Variants in POLE observed in about 807,000 individuals in gnomAD.
The protein encoded by POLE is DNA polymerase epsilon catalytic subunit A.
Under a neutral mutation model 279.2 loss-of-function variants are expected in POLE, and 188 were observed. That is an observed-to-expected ratio of 0.67 (90% CI 0.60 to 0.76). POLE has a LOEUF of 0.76. Ranked by LOEUF, POLE falls within the 30% of genes least tolerant of loss-of-function variation. The pLI is 0.00. For missense variants in POLE, 2,703 were observed against 3,016.7 expected (o/e 0.90, Z 2.44); for synonymous variants, 1,214 against 1,172.5 (o/e 1.04, Z -0.72).
chr12:132,659,222 C>A, intron 26 of POLE, 73 bp downstream of exon 26: 1 of 1,478,292 alleles, frequency 6.8e-7, no homozygotes, highest in Non-Finnish European at 9.2e-7. Flanking sequence ...CTCACCTCTC[C>A]GTGACGGAGG....
At chr12:132,676,933 G>T (rs973596888) in intron 8 of POLE, among the ~76,000 whole-genome samples, 2 of 152,154 alleles carry the variant, frequency 1.3e-5, no homozygotes, top group Non-Finnish European at 2.9e-5. Flanking sequence ...ACCTCATTCT[G>T]GTGGTTATGA....
In POLE at chr12:132,641,809, A is replaced by G. The variant is rs2042150542; in HGVS notation, c.5216T>C (p.Ile1739Thr). The G allele has an allele frequency of 6.2e-7, 1 of 1,603,826 alleles. No homozygotes were observed. The highest frequency in any genetic ancestry group is 8.5e-7 in the Non-Finnish European group (1 of 1,179,952). Residue 1739 changes from isoleucine (I) to threonine (T), a missense_variant, in exon 39 of 49, where the codon ATT becomes ACT. Coordinates refer to ENST00000320574, the MANE Select transcript of POLE (RefSeq NM_006231.4). The part of the protein sequence containing the change: ...LDLQNLAVNT[I>T]LQSHHVNDME... The stretch of plus-strand genomic sequence containing the variant: ...GTCGTTGACATGGTGAGACTGGAGA[A>G]TGGTGTTGACGGCCAGGTTCTGAAG...
At chr12:132,658,092 T>A (rs538978926) in intron 26 of POLE, 122 bp from the exon 27 acceptor site, 23 of 682,508 alleles carry the variant, frequency 3.4e-5, no homozygotes. Flanking sequence ...AACATCAATG[T>A]ATACATCTGC....
intron 26 of POLE, chr12:132,658,760 G>C (rs1463512512): frequency 1.3e-5 from 2 of 158,028 alleles, no homozygotes; most frequent in African/African-American, 4.8e-5. Context: ...GAGACGATTA[G>C]AGTGAAGCCC....
At chr12:132,672,575 C>T (rs1034755543) in intron 15 of POLE, 52 bp downstream of exon 15, 4 of 1,564,380 alleles carry the variant, frequency 2.6e-6, no homozygotes, top group Non-Finnish European at 3.5e-6. Flanking sequence ...GCTTCTGGGT[C>T]CTACCACAGC....
At chr12:132,631,821 C>A (rs547915577) in intron 45 of POLE, among the ~76,000 whole-genome samples, 10 of 152,246 alleles carry the variant, frequency 6.6e-5, no homozygotes, top group Non-Finnish European at 1.2e-4. Context: ...CAAGCTCACC[C>A]CCCAGGGCCT....
Position 132,668,789 on chromosome 12 carries a change from G to C in POLE, c.1923+22C>G, listed in dbSNP as rs773196651. 6 of 1,613,830 alleles carry C rather than the reference G, an allele frequency of 3.7e-6. No homozygotes were observed. The highest frequency in any genetic ancestry group is 5.1e-6 in the Non-Finnish European group (6 of 1,179,728). ...GCTGGGCAGAGAGAGCTCCGACTCT[G>C]ACACGGGAAGTAAAGTCTCACCTGC... is the stretch of plus-strand genomic sequence containing the variant. On this transcript the variant is annotated intron_variant, in intron 17 of 48. Coordinates refer to ENST00000320574, the MANE Select transcript of POLE (RefSeq NM_006231.4). This position sits in a 1 kb window ranked among gnomAD's most constrained non-coding sequence, Gnocchi z 4.0.
At chr12:132,628,842 T>C (rs1013515076) in intron 45 of POLE, among the ~76,000 whole-genome samples, 1 of 152,200 alleles carries the variant, frequency 6.6e-6, no homozygotes, top group African/African-American at 2.4e-5. Context: ...CCCACAATAG[T>C]CTTGAATCCC....
chr12:132,639,436 C>T lies in POLE; in HGVS notation c.5379-138G>A, dbSNP rs1228208659. 6 of 689,930 alleles carry T rather than the reference C, an allele frequency of 8.7e-6. No individual in the cohort carries two copies. Among genetic ancestry groups the T allele is most frequent in the Non-Finnish European group, 1.5e-5 (6 of 406,654 alleles). 42.7% of individuals were successfully genotyped at this position (689,930 alleles called of 1,614,324 possible). ...CCGTCACTGTCGCCTCCCCTTCTCA[C>T]TGTCCCCACCTTAAGTCACGGTCCA... On this transcript the variant is annotated intron_variant, in intron 39 of 48. Transcript: ENST00000320574. This position sits in a 1 kb window ranked among gnomAD's most constrained non-coding sequence, Gnocchi z 4.7.
Position 132,657,199 on chromosome 12 carries a change from C to T in POLE, c.3519G>A (p.Glu1173=), listed in dbSNP as rs2042562648. Residue 1173 remains glutamate, a synonymous_variant, in exon 29 of 49, where the codon GAG becomes GAA. Coordinates refer to ENST00000320574, the MANE Select transcript of POLE (RefSeq NM_006231.4). ...TCTTCTGCTTGTAGACATCATTCTT[C>T]TCCAGCAGTTTTTTGTGCAGCCAGT... is the stretch of plus-strand genomic sequence containing the variant. ...HPDWLHKKLL[E]KNDVYKQKKI... is the part of the protein sequence containing the mutation. 6.2e-7 allele frequency: 1 copy of T among 1,613,924 alleles called. No homozygotes were observed. Among genetic ancestry groups the T allele is most frequent in the African/African-American group, 1.3e-5 (1 of 74,858 alleles).
At chr12:132,660,684 G>A (rs1186775669) in intron 25 of POLE, 30 of 278,334 alleles carry the variant, frequency 1.1e-4, no homozygotes, top group Non-Finnish European at 2.0e-5. Flanking sequence ...CTACTTCCTG[G>A]TCTCAAGTGA....
chr12:132,673,059 T>C (rs1381175415), intron 14 of POLE, 105 bp downstream of exon 14: 10 of 845,638 alleles, frequency 1.2e-5, no homozygotes, highest in East Asian at 2.5e-5. Flanking sequence ...CTGCCGCCTC[T>C]GGTGCCAGCA....
rs1488203411 is a variant in POLE at position 132,624,662 on chromosome 12, G to T, written c.*35C>A. ...TGTGGCCTTGGCATCAGGAGGCCTG[G>T]CACGGACGCAGAGGCACCCGGGGCC... On this transcript the variant is annotated 3_prime_UTR_variant, in exon 49 of 49. Coordinates refer to ENST00000320574, the MANE Select transcript of POLE (RefSeq NM_006231.4). 8.3e-7 allele frequency: 1 copy of T among 1,212,004 alleles called. No individual in the cohort carries two copies. The highest frequency in any genetic ancestry group is 1.2e-6 in the Non-Finnish European group (1 of 814,290). The allele number at this position is 1,212,004 out of a possible 1,614,324, so 75.1% of individuals were successfully genotyped here. A position where few individuals can be genotyped will look rare whatever the true frequency, so the allele number is the denominator to read the frequency against.
intron 12 of POLE, among the ~76,000 whole-genome samples, chr12:132,674,853 CCCTTCCCTT>C (rs1361293205): frequency 3.4e-5 from 5 of 145,702 alleles, no homozygotes; most frequent in South Asian, 2.2e-4. Flanking sequence ...TTCCCTCCCT[CCCTTCCCTT>C]CCTTCCCTTC....
chr12:132,682,482 C>G (rs1308344227), intron 1 of POLE, among the ~76,000 whole-genome samples: 1 of 150,852 alleles, frequency 6.6e-6, no homozygotes, highest in Non-Finnish European at 1.5e-5. Context: ...GAAACTTCGT[C>G]TCAAAAAAAT....
intron 45 of POLE, among the ~76,000 whole-genome samples, chr12:132,631,151 G>C (rs908113242): frequency 6.6e-6 from 1 of 152,204 alleles, no homozygotes; most frequent in African/African-American, 2.4e-5. Context: ...ACACGAGCGC[G>C]TGGATGAACC....
rs2138484251 is a variant in POLE at position 132,635,878 on chromosome 12, T to C, written c.5811+14A>G. ...CCCAAAGCTGGCTCGGGTGCCACAC[T>C]GCAGCTCGCTTACCAGTCCACAGTG... On this transcript the variant is annotated intron_variant, in intron 42 of 48. Transcript: ENST00000320574. 1.2e-6 allele frequency: 2 copies of C among 1,603,744 alleles called. No individual in the cohort carries two copies. Among genetic ancestry groups the C allele is most frequent in the South Asian group, 2.2e-5 (2 of 90,120 alleles).
In POLE at chr12:132,675,092, G is replaced by A. The variant is rs941046736; in HGVS notation, c.1226+306C>T. ...GGCTGCCACATCCCAACCTTGCCTG[G>A]GCAGAGCAGCTCCATGAGGTCCTAG... On this transcript the variant is annotated intron_variant, in intron 12 of 48. Coordinates refer to ENST00000320574, the MANE Select transcript of POLE (RefSeq NM_006231.4). The surrounding 1 kb of genome is among the most constrained non-coding windows in gnomAD (Gnocchi z 4.3). Among the ~76,000 whole-genome samples, 3 of 152,186 alleles carry A rather than the reference G, an allele frequency of 2.0e-5. No individual in the cohort carries two copies. The highest frequency in any genetic ancestry group is 6.5e-5 in the Admixed American group (1 of 15,290).
intron 16 of POLE, among the ~76,000 whole-genome samples, chr12:132,671,678 G>GAAAAAAAAAAAAAAAAAAAAA (rs59237637): frequency 1.4e-5 from 1 of 72,546 alleles, no homozygotes; most frequent in African/African-American, 5.6e-5. Context: ...CTCAAAAAGG[G>GAAAAAAAAAAAAAAAAAAAAA]AAAAAAAAAA....
Sources: gnomAD v4.1 joint callset for allele counts (sites outside exome capture counted in the v4.1 genomes callset) on GRCh38, gnomAD v4.1.1 for gene constraint, Gnocchi (gnomAD v3.1) non-coding constraint, MANE v1.5 for transcripts, NCBI Gene and HGNC (gene_info 2026-07-23, HGNC 2026-07-21) for gene names.